Variants in HYDIN observed in about 807,000 individuals in gnomAD.
The protein encoded by HYDIN is HYDIN axonemal central pair apparatus protein, also known as axonemal central pair apparatus protein HYDIN.
Under a neutral mutation model 403.9 loss-of-function variants are expected in HYDIN, and 132 were observed. The ratio of observed to expected loss-of-function variants is 0.33; its 90% CI spans 0.28 to 0.38. HYDIN has a LOEUF of 0.38. Among genes scored for constraint, HYDIN ranks in the 10% least tolerant of loss-of-function variants. The pLI is 1.00. For synonymous variants in HYDIN, 1,202 were observed against 1,891.7 expected, an observed-to-expected ratio of 0.64 and a Z score of 9.46; for missense variants, 2,827 against 5,009.5, an observed-to-expected ratio of 0.56 and a Z score of 13.15.
Position 70,860,223 on chromosome 16 carries a change from G to T in HYDIN, c.11991-17C>A. 6.2e-7 allele frequency: 1 copy of T among 1,608,522 alleles called. No homozygotes were observed. The stretch of plus-strand genomic sequence containing the variant: ...GTAAAGGTCCTGGCCAGGGTGGAGA[G>T]AATTGACAGAAGAGAGTGGGACAGG... On this transcript the variant is annotated splice_polypyrimidine_tract_variant and intron_variant, in intron 70 of 85. Coordinates refer to ENST00000393567, the MANE Select transcript of HYDIN (RefSeq NM_001270974.2).
At chr16:71,225,982 T>C (rs930564846) in intron 1 of HYDIN, among the ~76,000 whole-genome samples, 1 of 152,204 alleles carries the variant, frequency 6.6e-6, no homozygotes, top group African/African-American at 2.4e-5. Context: ...AAGATGCCAA[T>C]TCTCCCCAAA....
At chr16:71,089,561 C>T (rs2083044926) in intron 11 of HYDIN, among the ~76,000 whole-genome samples, 1 of 152,172 alleles carries the variant, frequency 6.6e-6, no homozygotes, top group Non-Finnish European at 1.5e-5. Context: ...GGAGGATTCC[C>T]AGAAGAAGTC....
intron 47 of HYDIN, among the ~76,000 whole-genome samples, chr16:70,916,805 A>G (rs1774401): frequency 6.6e-6 from 1 of 151,770 alleles, no homozygotes; most frequent in Non-Finnish European, 1.5e-5. Flanking sequence ...AGCATTCTTA[A>G]GTGCCATTTC....
At chr16:71,215,897 C>G (rs1598051283) in intron 1 of HYDIN, among the ~76,000 whole-genome samples, 2 of 151,206 alleles carry the variant, frequency 1.3e-5, no homozygotes, top group South Asian at 2.1e-4. Context: ...AATAAAAAAA[C>G]AGGGAAATGT....
rs184212974 is a variant in HYDIN at position 70,810,281 on chromosome 16, G to A, written c.14659-274C>T. Among the ~76,000 whole-genome samples the A allele has an allele frequency of 1.0e-3, 154 of 152,308 alleles. 1 individual carries two copies. The Middle Eastern group carries it at 0.02, about 20-fold the overall frequency. On this transcript the variant is annotated intron_variant, in intron 84 of 85. Coordinates refer to ENST00000393567, the MANE Select transcript of HYDIN (RefSeq NM_001270974.2). Reference sequence around the variant, plus strand: ...TCCTGAGAAGCGCACATAGGGAGATGTGGAGATGGGTGAGTGCTGCCAGTA... The same window carrying A: ...TCCTGAGAAGCGCACATAGGGAGATATGGAGATGGGTGAGTGCTGCCAGTA...
intron 13 of HYDIN, chr16:71,075,823 T>C: frequency 4.9e-6 from 1 of 203,318 alleles, no homozygotes; most frequent in South Asian, 6.9e-5. Context: ...GTTGAGGGGA[T>C]GTTGGAAGCA....
intron 73 of HYDIN, among the ~76,000 whole-genome samples, chr16:70,853,640 A>G (rs994931057): frequency 1.4e-5 from 2 of 144,144 alleles, no homozygotes; most frequent in African/African-American, 5.8e-5. Flanking sequence ...TCCTGAAATG[A>G]CAAAATGATA....
intron 68 of HYDIN, among the ~76,000 whole-genome samples, chr16:70,862,486 T>C (rs1370721633): frequency 1.1e-5 from 1 of 95,088 alleles, no homozygotes; most frequent in Non-Finnish European, 2.1e-5. Flanking sequence ...CAAATTTGTT[T>C]CCTTTTGGTT....
intron 23 of HYDIN, among the ~76,000 whole-genome samples, chr16:71,005,606 A>G (rs968428301): frequency 1.1e-4 from 16 of 152,218 alleles, no homozygotes; most frequent in African/African-American, 3.9e-4. Flanking sequence ...ATATAGTATA[A>G]TACATTACAC....
intron 75 of HYDIN, among the ~76,000 whole-genome samples, chr16:70,847,023 G>C (rs1386762389): frequency 1.4e-5 from 2 of 146,054 alleles, no homozygotes; most frequent in Non-Finnish European, 3.0e-5. Flanking sequence ...CTTTTAATTG[G>C]AGCATTTAGT....
intron 1 of HYDIN, among the ~76,000 whole-genome samples, chr16:71,212,658 G>A (rs1449987425): frequency 1.3e-5 from 2 of 152,036 alleles, no homozygotes; most frequent in African/African-American, 4.8e-5. Flanking sequence ...GACAGTACAT[G>A]GAGGGACAAA....
At chr16:71,017,577 A>G (rs2080305526) in intron 23 of HYDIN, among the ~76,000 whole-genome samples, 1 of 151,744 alleles carries the variant, frequency 6.6e-6, no homozygotes, top group East Asian at 1.9e-4. Flanking sequence ...AATATACTGC[A>G]TGATTCCACT....
intron 80 of HYDIN, among the ~76,000 whole-genome samples, chr16:70,831,130 C>A (rs1026118080): frequency 5.3e-5 from 8 of 150,156 alleles, no homozygotes; most frequent in African/African-American, 2.0e-4. Context: ...GGCCAAGAAA[C>A]TGGCTGAAAT....
At chr16:71,090,735 G>A (rs189022589) in intron 11 of HYDIN, among the ~76,000 whole-genome samples, 3 of 152,092 alleles carry the variant, frequency 2.0e-5, no homozygotes, top group Admixed American at 2.0e-4. Context: ...GAACTCCTGG[G>A]CTCAAGCGAT....
intron 18 of HYDIN, among the ~76,000 whole-genome samples, chr16:71,056,345 A>G (rs1568071653): frequency 1.3e-5 from 2 of 152,094 alleles, no homozygotes; most frequent in African/African-American, 2.4e-5. Flanking sequence ...TAGAATATAA[A>G]AAATATAATC....
At chr16:71,168,660 T>C (rs1266968334) in intron 5 of HYDIN, among the ~76,000 whole-genome samples, 2 of 152,084 alleles carry the variant, frequency 1.3e-5, no homozygotes, top group Non-Finnish European at 2.9e-5. Flanking sequence ...TGTCACCCTG[T>C]GGGGCAGAGT....
chr16:71,212,332 A>G (rs2088637106), intron 1 of HYDIN, among the ~76,000 whole-genome samples: 1 of 152,214 alleles, frequency 6.6e-6, no homozygotes, highest in Non-Finnish European at 1.5e-5. Flanking sequence ...TCATAAACTT[A>G]CTTTCAAATG....
chr16:71,081,276 TGTTGTAAG>T (rs1380851977), intron 12 of HYDIN, among the ~76,000 whole-genome samples: 1 of 151,926 alleles, frequency 6.6e-6, no homozygotes, highest in Non-Finnish European at 1.5e-5. Flanking sequence ...GATGAGAGGT[TGTTGTAAG>T]CCTGGGAGGA....
intron 22 of HYDIN, among the ~76,000 whole-genome samples, chr16:71,019,646 T>A (rs1022103650): frequency 6.6e-6 from 1 of 152,268 alleles, no homozygotes; most frequent in African/African-American, 2.4e-5. Flanking sequence ...AATGACATTA[T>A]TGTTTTGTAG....
Sources: allele counts gnomAD v4.1 joint callset (sites outside exome capture counted in the v4.1 genomes callset), GRCh38; gene constraint gnomAD v4.1.1; transcripts MANE v1.5; gene names NCBI Gene and HGNC (gene_info 2026-07-23, HGNC 2026-07-21).